The following PPFIA2 variants were observed in gnomAD, a reference collection of about 807,000 sequenced individuals.
PPFIA2 encodes liprin-alpha-2.
In PPFIA2, 46 loss-of-function variants were observed where a neutral mutation model predicts 175.5. The ratio of observed to expected loss-of-function variants is 0.26; its 90% CI spans 0.21 to 0.34. PPFIA2 has a LOEUF of 0.34. Ranked by LOEUF, PPFIA2 falls within the 10% of genes least tolerant of loss-of-function variation. The pLI is 1.00. For synonymous variants in PPFIA2, 568 were observed against 511.4 expected, an observed-to-expected ratio of 1.11 and a Z score of -1.49; for missense variants, 1,179 against 1,506.1, an observed-to-expected ratio of 0.78 and a Z score of 3.60.
In PPFIA2 at chr12:81,296,584, A is replaced by T. The variant is rs573264275; in HGVS notation, c.2725-1549T>A. 6 of 148,948 alleles carry T rather than the reference A, an allele frequency of 4.0e-5. No individual in the cohort carries two copies. The South Asian group carries it at 1.3e-3, about 32-fold the overall frequency. 9.2% of individuals were successfully genotyped at this position (148,948 alleles called of 1,614,324 possible). A position where few individuals can be genotyped will look rare whatever the true frequency, so the allele number is the denominator to read the frequency against. ...TTAGCAGCTTACATATTTGTTTTTG[A>T]ATGTCCAAAAGATTGACTGATTTTT... On this transcript the variant is annotated intron_variant, in intron 23 of 32. Transcript: ENST00000549396.
chr12:81,681,465 G>A (rs1730830523), intron 3 of PPFIA2, among the ~76,000 whole-genome samples: 1 of 151,974 alleles, frequency 6.6e-6, no homozygotes, highest in Admixed American at 6.6e-5. Context: ...AGAGTGAGGT[G>A]ATCAGTGTCA....
At chr12:81,447,338 C>T (rs2051481964) in intron 5 of PPFIA2, among the ~76,000 whole-genome samples, 1 of 152,130 alleles carries the variant, frequency 6.6e-6, no homozygotes, top group Non-Finnish European at 1.5e-5. Context: ...GTCTGTTTTT[C>T]CAGTGGCATC....
chr12:81,591,562 G>C (rs1834677143), intron 4 of PPFIA2, among the ~76,000 whole-genome samples: 1 of 152,160 alleles, frequency 6.6e-6, no homozygotes, highest in South Asian at 2.1e-4. Flanking sequence ...GCCGGGCCCA[G>C]GGTCCTTCTG....
intron 4 of PPFIA2, among the ~76,000 whole-genome samples, chr12:81,614,005 A>G (rs2061191075): frequency 6.6e-6 from 1 of 152,180 alleles, no homozygotes; most frequent in Admixed American, 6.5e-5. Flanking sequence ...TGAATGAACA[A>G]GCAAAACCAT....
Position 81,642,809 on chromosome 12 carries a change from ATTACATACATGTATATGTATGTATG to A in PPFIA2, c.303+33957_303+33981del, listed in dbSNP as rs1172584659. On this transcript the variant is annotated intron_variant, in intron 4 of 32. Transcript: ENST00000549396. Reference sequence around the variant, plus strand: ...TACATACATGTATATGTATGTATGTATTACATACATGTATATGTATGTATGTATTACATACATATATAACATGTAT... The same window carrying A: ...TACATACATGTATATGTATGTATGTATATTACATACATATATAACATGTAT... Among the ~76,000 whole-genome samples the A allele has an allele frequency of 6.4e-3, 52 of 8,122 alleles. 16 individuals are homozygous for A. The highest frequency in any genetic ancestry group is 0.044 in the South Asian group (4 of 90). The allele number at this position is 8,122 out of a possible 152,430, so 5.3% of individuals were successfully genotyped here. A position where few individuals can be genotyped will look rare whatever the true frequency, so the allele number is the denominator to read the frequency against.
intron 3 of PPFIA2, among the ~76,000 whole-genome samples, chr12:81,751,411 G>A (rs2083751661): frequency 8.7e-6 from 1 of 115,130 alleles, no homozygotes; most frequent in Non-Finnish European, 1.9e-5. Flanking sequence ...ACTATTTACA[G>A]TCTTTTTTTT....
chr12:81,406,896 A>T (rs2142966993), intron 7 of PPFIA2, among the ~76,000 whole-genome samples: 1 of 152,228 alleles, frequency 6.6e-6, no homozygotes, highest in South Asian at 2.1e-4. Context: ...TCATTAACTG[A>T]AAAAAACATG....
chr12:81,383,149 T>A (rs552682298), intron 9 of PPFIA2, among the ~76,000 whole-genome samples: 1 of 152,078 alleles, frequency 6.6e-6, no homozygotes, highest in African/African-American at 2.4e-5. Context: ...AAAAGTAAGA[T>A]ACAATTGGCT....
At chr12:81,370,582 A>G (rs561305869) in intron 11 of PPFIA2, among the ~76,000 whole-genome samples, 1 of 151,956 alleles carries the variant, frequency 6.6e-6, no homozygotes, top group South Asian at 2.1e-4. Context: ...CTGTTCCTGC[A>G]TTGATTTGTT....
intron 4 of PPFIA2, among the ~76,000 whole-genome samples, chr12:81,517,677 C>A (rs1011665547): frequency 3.3e-5 from 5 of 152,078 alleles, no homozygotes; most frequent in Non-Finnish European, 7.4e-5. Context: ...TTCTGCAATT[C>A]TTCAAGGACC....
intron 4 of PPFIA2, among the ~76,000 whole-genome samples, chr12:81,624,395 T>C (rs2062430689): frequency 6.8e-6 from 1 of 148,068 alleles, no homozygotes; most frequent in African/African-American, 2.5e-5. Flanking sequence ...TATATACTGA[T>C]TTTATATTTC....
chr12:81,617,832 A>C (rs1055961985), intron 4 of PPFIA2, among the ~76,000 whole-genome samples: 1 of 152,236 alleles, frequency 6.6e-6, no homozygotes, highest in Admixed American at 6.5e-5. Flanking sequence ...CAAAATAGAC[A>C]AATATTCTTC....
At chr12:81,523,153 A>T (rs2153256107) in intron 4 of PPFIA2, among the ~76,000 whole-genome samples, 1 of 152,340 alleles carries the variant, frequency 6.6e-6, no homozygotes, top group African/African-American at 2.4e-5. Flanking sequence ...AGGATGGGAT[A>T]TACATTATAG....
rs766828318 is a variant in PPFIA2, at chr12:81,368,804, G to A, written c.1403C>T (p.Thr468Met). 1.7e-5 allele frequency: 28 copies of A among 1,610,076 alleles called. No homozygotes were observed. The highest frequency in any genetic ancestry group is 8.4e-5 in the Admixed American group (5 of 59,772). The change falls in exon 13 of 33, where the codon ACG (threonine) becomes ATG (methionine). Residue 468 changes from threonine to methionine, a missense_variant. Physicochemically the swap from Thr to Met is moderately conservative, Grantham distance 81. Transcript: ENST00000549396. The stretch of plus-strand genomic sequence containing the variant: ...GGATTCAGTCAGAAGTCTATCAACC[G>A]TATCCGATAATCTCTTGTTATGCTC... ...NEEHNKRLSDTVDRLLTESNE... is the reference protein window; with the variant it reads ...NEEHNKRLSDMVDRLLTESNE...
chr12:81,731,202 C>A (rs1596972780), intron 3 of PPFIA2, among the ~76,000 whole-genome samples: 1 of 151,718 alleles, frequency 6.6e-6, no homozygotes, highest in Middle Eastern at 3.4e-3. Flanking sequence ...ATGCTTTGTT[C>A]TCTTTCATCC....
At chr12:81,349,562 CA>C (rs1450245666) in intron 17 of PPFIA2, among the ~76,000 whole-genome samples, 1 of 151,820 alleles carries the variant, frequency 6.6e-6, no homozygotes, top group African/African-American at 2.4e-5. Context: ...TCTTCACCCT[CA>C]AAAAATAAAA....
At chr12:81,574,406 A>G (rs1420585093) in intron 4 of PPFIA2, among the ~76,000 whole-genome samples, 1 of 151,762 alleles carries the variant, frequency 6.6e-6, no homozygotes, top group African/African-American at 2.4e-5. Context: ...ATCAGTTTTG[A>G]TATTCCTTGT....
intron 18 of PPFIA2, among the ~76,000 whole-genome samples, chr12:81,345,521 A>G (rs1307866799): frequency 6.6e-6 from 1 of 152,082 alleles, no homozygotes; most frequent in Non-Finnish European, 1.5e-5. Context: ...AATCACATCT[A>G]AAGGATTATA....
At chr12:81,669,015 C>CCAGA (rs1490697270) in intron 4 of PPFIA2, among the ~76,000 whole-genome samples, 2 of 151,900 alleles carry the variant, frequency 1.3e-5, no homozygotes, top group African/African-American at 4.8e-5. Flanking sequence ...CAGCATTAAA[C>CCAGA]CAGACAGAAA....
Sources: gnomAD v4.1 joint callset for allele counts (sites outside exome capture counted in the v4.1 genomes callset) on GRCh38, gnomAD v4.1.1 for gene constraint, MANE v1.5 for transcripts, NCBI Gene and HGNC (gene_info 2026-07-23, HGNC 2026-07-21) for gene names.